Variants in PNPLA1 observed in about 807,000 individuals in gnomAD.
The protein encoded by PNPLA1 is omega-hydroxyceramide transacylase.
A neutral mutation model predicts 51.7 loss-of-function variants in PNPLA1; 36 were observed. That is an observed-to-expected ratio of 0.70 (90% CI 0.53 to 0.92). The LOEUF is 0.92. PNPLA1 is among the 40% of genes least tolerant of loss of function. PNPLA1 has a pLI of 0.00. For synonymous variants in PNPLA1, 293 were observed against 280.1 expected (o/e 1.05, Z -0.46); for missense variants, 658 against 682.5 (o/e 0.96, Z 0.40).
chr6:36,273,517 G>T (rs1404640704), intron 1 of PNPLA1, among the ~76,000 whole-genome samples: 1 of 151,674 alleles, frequency 6.6e-6, no homozygotes, highest in African/African-American at 2.4e-5. Flanking sequence ...GAAACACCTG[G>T]TGCAGGGATT....
At position 36,313,109 on chromosome 6, in the gene PNPLA1, T is replaced by C. The variant is rs187776286; in HGVS notation, c.*1223T>C. ...GAGATCTTTAGAGCTCCCCCGGGAT[T>C]ATGTGGTGCTGTGGTGTTGAGACAG... On this transcript the variant is annotated 3_prime_UTR_variant, in exon 9 of 9. Transcript: ENST00000636260. Among the ~76,000 whole-genome samples, 1 of 152,226 alleles carries C rather than the reference T, an allele frequency of 6.6e-6. No homozygotes were observed. Among genetic ancestry groups the C allele is most frequent in the East Asian group, 1.9e-4 (1 of 5,178 alleles).
At chr6:36,270,009 G>A (rs1015074729), upstream of PNPLA1, among the ~76,000 whole-genome samples, 3 of 152,236 alleles carry the variant, frequency 2.0e-5, no homozygotes, top group Non-Finnish European at 4.4e-5. Flanking sequence ...CCATCACGGA[G>A]GTTTTGCAAC....
At chr6:36,279,885 G>A (rs1187366189) in intron 1 of PNPLA1, among the ~76,000 whole-genome samples, 1 of 152,218 alleles carries the variant, frequency 6.6e-6, no homozygotes, top group African/African-American at 2.4e-5. Context: ...CCAAAGTCAA[G>A]AATGTCCCAG....
chr6:36,311,470 C>T (rs745961222), intron 8 of PNPLA1, among the ~76,000 whole-genome samples: 5 of 152,158 alleles, frequency 3.3e-5, no homozygotes, highest in Admixed American at 6.5e-5. Context: ...CTTGGATGAC[C>T]GGCTAATGAG....
intron 1 of PNPLA1, among the ~76,000 whole-genome samples, chr6:36,256,805 T>G (rs1164257044): frequency 6.6e-6 from 1 of 152,070 alleles, no homozygotes; most frequent in Non-Finnish European, 1.5e-5. Flanking sequence ...AGTAGACAGA[T>G]TAATAGGAGA....
intron 1 of PNPLA1, among the ~76,000 whole-genome samples, chr6:36,274,944 C>T (rs1247942113): frequency 6.6e-6 from 1 of 152,190 alleles, no homozygotes; most frequent in Admixed American, 6.5e-5. Flanking sequence ...TTATCTTTCA[C>T]CAGTTATGCA....
intron 1 of PNPLA1, among the ~76,000 whole-genome samples, chr6:36,285,017 G>T (rs1770439604): frequency 6.6e-6 from 1 of 152,164 alleles, no homozygotes; most frequent in South Asian, 2.1e-4. Flanking sequence ...TCGGAGGCTG[G>T]CTGTCACTGT....
rs1770781304 is a variant in PNPLA1 at position 36,294,220 on chromosome 6, C to A, written c.535C>A (p.Gln179Lys). 1 of 1,614,084 alleles carries A rather than the reference C, an allele frequency of 6.2e-7. No homozygotes were observed. The highest frequency in any genetic ancestry group is 1.7e-5 in the Admixed American group (1 of 60,014). Residue 179 changes from glutamine (Q) to lysine (K), a missense_variant, in exon 4 of 9, where the codon CAG becomes AAG. Physicochemically the swap from Gln to Lys is moderately conservative, Grantham distance 53. Coordinates refer to ENST00000636260, the MANE Select transcript of PNPLA1 (RefSeq NM_001374623.1). The surrounding 1 kb of genome is among the most constrained non-coding windows in gnomAD (Gnocchi z 4.2). ...RYIDGGFTGMQPCAFWTDAIT... is the reference protein window; with the variant it reads ...RYIDGGFTGMKPCAFWTDAIT... ...CATCGATGGGGGCTTCACGGGCATG[C>A]AGCCCTGTGCCTTCTGGACCGACGC...
At chr6:36,255,216 C>T (rs1317929501) in intron 1 of PNPLA1, among the ~76,000 whole-genome samples, 2 of 150,012 alleles carry the variant, frequency 1.3e-5, no homozygotes, top group Non-Finnish European at 3.0e-5. Flanking sequence ...AAAAAAAATA[C>T]AAAATTGGCC....
rs1276986991 is a variant in PNPLA1 at position 36,311,956 on chromosome 6, C to G, written c.*70C>G. 2 of 152,648 alleles carry G rather than the reference C, an allele frequency of 1.3e-5. No individual in the cohort carries two copies. Among genetic ancestry groups the G allele is most frequent in the African/African-American group, 2.4e-5 (1 of 41,432 alleles). The allele number at this position is 152,648 out of a possible 1,614,324, so 9.5% of individuals were successfully genotyped here. Reference sequence around the variant, plus strand: ...TGACTCCTGGGTCTCATTGATCCAGCTCCTTTTATTCTCCCACCTTCCCTT... The same window carrying G: ...TGACTCCTGGGTCTCATTGATCCAGGTCCTTTTATTCTCCCACCTTCCCTT... On this transcript the variant is annotated 3_prime_UTR_variant, in exon 9 of 9. Transcript: ENST00000636260.
chr6:36,276,918 G>C (rs1281605064), intron 1 of PNPLA1, among the ~76,000 whole-genome samples: 4 of 152,208 alleles, frequency 2.6e-5, no homozygotes, highest in Admixed American at 2.0e-4. Context: ...CTACCAAACA[G>C]TTATAATACA....
At chr6:36,262,467 C>T (rs545263392) in intron 1 of PNPLA1, among the ~76,000 whole-genome samples, 3 of 152,302 alleles carry the variant, frequency 2.0e-5, no homozygotes, top group African/African-American at 7.2e-5. Flanking sequence ...CAAATAGCAG[C>T]GCACAGAAAA....
chr6:36,279,592 G>A (rs1770215232), intron 1 of PNPLA1, among the ~76,000 whole-genome samples: 1 of 152,206 alleles, frequency 6.6e-6, no homozygotes, highest in South Asian at 2.1e-4. Flanking sequence ...AAGGAGGAGG[G>A]CTAGGGCTGA....
intron 1 of PNPLA1, among the ~76,000 whole-genome samples, chr6:36,279,456 G>A (rs1231435358): frequency 6.6e-6 from 1 of 152,220 alleles, no homozygotes. Flanking sequence ...GCACTGGGGA[G>A]TCAAGCCTTC....
chr6:36,307,962 G>T (rs777197504), intron 8 of PNPLA1: 2 of 368,630 alleles, frequency 5.4e-6, no homozygotes, highest in Non-Finnish European at 9.9e-6. Flanking sequence ...ACTTCATAAA[G>T]TTGTGAGAGT....
At chr6:36,282,080 AGAAAGAAAGAAGGAAG>A (rs748595911) in intron 1 of PNPLA1, among the ~76,000 whole-genome samples, 7 of 131,144 alleles carry the variant, frequency 5.3e-5, no homozygotes, top group African/African-American at 1.6e-4. Flanking sequence ...AAAGAAAGAA[AGAAAGAAAGAAGGAAG>A]GAAGGAAGGA....
In PNPLA1 at chr6:36,251,768, G is replaced by A. The variant is rs78902104; in HGVS notation, c.-81+8507G>A. Among the ~76,000 whole-genome samples the A allele has an allele frequency of 2.5e-3, 378 of 152,028 alleles. 5 individuals are homozygous for A. The East Asian group carries it at 0.032, about 13-fold the overall frequency. On this transcript the variant is annotated intron_variant, in intron 1 of 7. Coordinates refer to the PNPLA1 transcript ENST00000312917. ...ACCTGGGCAACATAGTGAGAGACCC[G>A]TCTCTACAAAAAAAAATTTTTTTTT... is the stretch of plus-strand genomic sequence containing the variant.
chr6:36,301,755 T>G, intron 5 of PNPLA1, 106 bp from the exon 6 acceptor site: 1 of 1,410,834 alleles, frequency 7.1e-7, no homozygotes, highest in South Asian at 1.4e-5. Context: ...AGAAAGACCT[T>G]TGAAAAGCAC....
upstream of PNPLA1, among the ~76,000 whole-genome samples, chr6:36,269,091 C>T (rs553585766): frequency 6.6e-6 from 1 of 152,376 alleles, no homozygotes; most frequent in East Asian, 1.9e-4. Context: ...GAAGCCTGGC[C>T]TTGCCCTCAC....
Sources: allele counts gnomAD v4.1 joint callset (sites outside exome capture counted in the v4.1 genomes callset), GRCh38; gene constraint gnomAD v4.1.1; non-coding constraint Gnocchi (gnomAD v3.1); transcripts MANE v1.5; gene names NCBI Gene and HGNC (gene_info 2026-07-23, HGNC 2026-07-21).